The following ZNF536 variants were observed in gnomAD, a reference collection of about 807,000 sequenced individuals.
ZNF536 encodes zinc finger protein 536.
A neutral mutation model predicts 84.5 loss-of-function variants in ZNF536; 13 were observed. The observed-to-expected ratio is 0.15, with a 90% confidence interval of 0.10 to 0.24. The LOEUF is 0.24. Among genes scored for constraint, ZNF536 ranks in the 10% least tolerant of loss-of-function variants. ZNF536 has a pLI of 1.00. For synonymous variants in ZNF536, 811 were observed against 742.5 expected, an observed-to-expected ratio of 1.09 and a Z score of -1.50; for missense variants, 1,536 against 1,747.5, an observed-to-expected ratio of 0.88 and a Z score of 2.16.
chr19:30,431,204 C>T (rs1327931858), intron 1 of ZNF536, among the ~76,000 whole-genome samples: 2 of 152,148 alleles, frequency 1.3e-5, no homozygotes, highest in Non-Finnish European at 1.5e-5. Flanking sequence ...CCAGAACCTG[C>T]GTTGAGGGGG....
intron 2 of ZNF536, among the ~76,000 whole-genome samples, chr19:30,457,882 C>T (rs1051551243): frequency 6.6e-6 from 1 of 152,198 alleles, no homozygotes; most frequent in Non-Finnish European, 1.5e-5. Context: ...TATGTCAGAA[C>T]GTCCATCTGC....
intron 2 of ZNF536, among the ~76,000 whole-genome samples, chr19:30,457,944 T>TG (rs2052933206): frequency 6.6e-6 from 1 of 152,186 alleles, no homozygotes; most frequent in Non-Finnish European, 1.5e-5. Context: ...CTCTTCTTTT[T>TG]GGGTGGTGGG....
At chr19:30,562,494 T>C (rs1474698069), downstream of ZNF536, among the ~76,000 whole-genome samples, 1 of 152,224 alleles carries the variant, frequency 6.6e-6, no homozygotes, top group African/African-American at 2.4e-5. Flanking sequence ...TCAATGAAAC[T>C]GGATTTTCAG....
intron 1 of ZNF536, among the ~76,000 whole-genome samples, chr19:30,628,752 G>A (rs2048782367): frequency 2.0e-5 from 3 of 152,102 alleles, no homozygotes; most frequent in Non-Finnish European, 2.9e-5. Flanking sequence ...AGGCTGGAGT[G>A]TAGTGGCATG....
intron 1 of ZNF536, among the ~76,000 whole-genome samples, chr19:30,607,006 G>A (rs895519687): frequency 1.3e-5 from 2 of 152,102 alleles, no homozygotes; most frequent in African/African-American, 4.8e-5. Context: ...TGGCTCTCAC[G>A]ACCCCAGGCC....
At chr19:30,321,296 C>T (rs998589782) in intron 2 of ZNF536, among the ~76,000 whole-genome samples, 2 of 152,216 alleles carry the variant, frequency 1.3e-5, no homozygotes, top group African/African-American at 4.8e-5. Context: ...ATGGCTCACG[C>T]CTGTAATCCC....
chr19:30,556,964 A>G (rs2045987513), intron 4 of ZNF536, 193 bp from the exon 5 acceptor site: 1 of 594,648 alleles, frequency 1.7e-6, no homozygotes, highest in South Asian at 2.2e-5. Context: ...CTCTACGTCT[A>G]ATTGCCAACC....
At chr19:30,256,774 T>G (rs1284873927) in intron 1 of ZNF536, among the ~76,000 whole-genome samples, 3 of 152,200 alleles carry the variant, frequency 2.0e-5, no homozygotes, top group African/African-American at 7.2e-5. Flanking sequence ...GGGCTGTCCT[T>G]TTTGAAGACT....
chr19:30,269,881 G>A (rs1012289410), intron 1 of ZNF536, among the ~76,000 whole-genome samples: 6 of 152,120 alleles, frequency 3.9e-5, no homozygotes, highest in Non-Finnish European at 7.4e-5. Context: ...AGGCAGTCCC[G>A]CTTCTAGCTG....
intron 2 of ZNF536, among the ~76,000 whole-genome samples, chr19:30,503,159 GCA>G (rs34574367): frequency 0.099 from 14,666 of 148,008 alleles, 904 homozygotes; most frequent in Non-Finnish European, 0.15. Context: ...ATGTGTGTAT[GCA>G]CACACACACA....
intron 2 of ZNF536, among the ~76,000 whole-genome samples, chr19:30,484,971 G>A (rs960560841): frequency 1.3e-5 from 2 of 151,706 alleles, no homozygotes; most frequent in East Asian, 3.9e-4. Flanking sequence ...GTGAAACCCC[G>A]TCTCTACTAA....
chr19:30,629,547 A>G (rs2048813024), intron 1 of ZNF536, among the ~76,000 whole-genome samples: 2 of 152,190 alleles, frequency 1.3e-5, no homozygotes, highest in African/African-American at 2.4e-5. Context: ...GGACGTCCTT[A>G]TTATCTCTTT....
intron 2 of ZNF536, among the ~76,000 whole-genome samples, chr19:30,479,930 G>A (rs1599522605): frequency 6.6e-6 from 1 of 152,310 alleles, no homozygotes; most frequent in East Asian, 1.9e-4. Context: ...GCAGGTCTCG[G>A]TCCCCAGCCT....
At chr19:30,503,843 T>C (rs2145370962) in intron 2 of ZNF536, among the ~76,000 whole-genome samples, 1 of 152,270 alleles carries the variant, frequency 6.6e-6, no homozygotes, top group East Asian at 1.9e-4. Flanking sequence ...TAGTGGGATT[T>C]TGGGTAATTT....
intron 2 of ZNF536, among the ~76,000 whole-genome samples, chr19:30,318,431 C>CTTTGCAATGGAA (rs1272236381): frequency 6.6e-6 from 1 of 152,232 alleles, no homozygotes. Context: ...GGGCAGATGC[C>CTTTGCAATGGAA]TTTGCAATGG....
At chr19:30,345,730 A>G (rs2047720068) in intron 2 of ZNF536, among the ~76,000 whole-genome samples, 2 of 152,310 alleles carry the variant, frequency 1.3e-5, no homozygotes, top group Admixed American at 1.3e-4. Flanking sequence ...CATGCATCTA[A>G]GGGAGCCATG....
chr19:30,511,668 A>G (rs113529852), intron 2 of ZNF536, among the ~76,000 whole-genome samples: 1 of 152,202 alleles, frequency 6.6e-6, no homozygotes, highest in African/African-American at 2.4e-5. Flanking sequence ...AAGTGTTACA[A>G]ATTAACATAC....
chr19:30,599,278 C>A (rs1189154482), intron 1 of ZNF536, among the ~76,000 whole-genome samples: 3 of 116,838 alleles, frequency 2.6e-5, no homozygotes, highest in African/African-American at 1.0e-4. Context: ...CCATCCTTGT[C>A]TCTCTCCTTT....
chr19:30,319,541 G>C (rs1231630645), intron 2 of ZNF536, among the ~76,000 whole-genome samples: 1 of 152,204 alleles, frequency 6.6e-6, no homozygotes. Flanking sequence ...AGGCTTCCAA[G>C]AATAGTCTGC....
Sources: gnomAD v4.1 joint callset for allele counts (sites outside exome capture counted in the v4.1 genomes callset) on GRCh38, gnomAD v4.1.1 for gene constraint, MANE v1.5 for transcripts, NCBI Gene and HGNC (gene_info 2026-07-23, HGNC 2026-07-21) for gene names.